The following SYT1 variants were observed in gnomAD, a reference collection of about 807,000 sequenced individuals.
SYT1 encodes the protein synaptotagmin 1, also known as synaptotagmin-1.
Under a neutral mutation model 44.8 loss-of-function variants are expected in SYT1, and 8 were observed. The ratio of observed to expected loss-of-function variants is 0.18; its 90% CI spans 0.10 to 0.32. The LOEUF is 0.32. Among genes scored for constraint, SYT1 ranks in the 10% least tolerant of loss-of-function variants. The pLI is 1.00. For synonymous variants in SYT1, 154 were observed against 188.8 expected (o/e 0.82, Z 1.51); for missense variants, 286 against 509.3 (o/e 0.56, Z 4.22).
At chr12:78,883,860 A>G (rs1874593047) in intron 1 of SYT1, among the ~76,000 whole-genome samples, 1 of 151,656 alleles carries the variant, frequency 6.6e-6, no homozygotes, top group Non-Finnish European at 1.5e-5. Flanking sequence ...CCTTCTGTAA[A>G]TATATTCAAT....
Position 79,444,839 on chromosome 12 carries a change from G to A in SYT1, c.1062+633G>A, listed in dbSNP as rs1434692109. On this transcript the variant is annotated intron_variant, in intron 10 of 10. Coordinates refer to ENST00000261205, the MANE Select transcript of SYT1 (RefSeq NM_005639.3). ...TGTTCATATTAAGTTGCTATATGTA[G>A]CCACAATGATAACATGCAATCTTAT... 2.6e-5 allele frequency among the ~76,000 whole-genome samples: 4 copies of A among 151,966 alleles called. 1 individual carries two copies. Among genetic ancestry groups the A allele is most frequent in the Non-Finnish European group, 5.9e-5 (4 of 67,970 alleles).
chr12:79,057,950 A>C (rs538067518), intron 3 of SYT1, among the ~76,000 whole-genome samples: 1 of 152,076 alleles, frequency 6.6e-6, no homozygotes, highest in Admixed American at 6.6e-5. Flanking sequence ...ATACCATTTT[A>C]TTACAGAATG....
chr12:79,404,424 A>C (rs1172761749), intron 9 of SYT1, among the ~76,000 whole-genome samples: 1 of 152,164 alleles, frequency 6.6e-6, no homozygotes. Context: ...CACCAGCATT[A>C]AACAAGCCTC....
intron 2 of SYT1, chr12:79,046,580 T>G (rs1476164336): frequency 6.6e-6 from 1 of 152,054 alleles, no homozygotes; most frequent in Non-Finnish European, 1.5e-5. Flanking sequence ...AGGGTTTAAT[T>G]TTTTTACTCT....
At chr12:79,280,877 C>T (rs1473943673) in intron 4 of SYT1, among the ~76,000 whole-genome samples, 3 of 151,374 alleles carry the variant, frequency 2.0e-5, no homozygotes, top group African/African-American at 7.3e-5. Context: ...ATACAAGTGG[C>T]CAACAAACAT....
intron 2 of SYT1, among the ~76,000 whole-genome samples, chr12:78,984,630 A>G (rs755999525): frequency 2.6e-5 from 4 of 152,044 alleles, no homozygotes; most frequent in Non-Finnish European, 5.9e-5. Context: ...TGAAGAATAG[A>G]ATTTAATTGA....
chr12:79,325,666 C>A (rs549764047), intron 8 of SYT1, among the ~76,000 whole-genome samples: 1 of 152,230 alleles, frequency 6.6e-6, no homozygotes, highest in African/African-American at 2.4e-5. Flanking sequence ...TTTAGTATGG[C>A]TACAGATAAG....
chr12:79,107,142 A>G (rs1878762960), intron 3 of SYT1, among the ~76,000 whole-genome samples: 1 of 152,008 alleles, frequency 6.6e-6, no homozygotes, highest in Non-Finnish European at 1.5e-5. Flanking sequence ...TGAAATAAAT[A>G]TCTCAAAAGC....
intron 4 of SYT1, among the ~76,000 whole-genome samples, chr12:79,276,672 CAA>C (rs570244503): frequency 6.0e-5 from 7 of 116,106 alleles, no homozygotes; most frequent in Non-Finnish European, 1.8e-5. Flanking sequence ...AAGACTCCAT[CAA>C]AAAAAAAAAA....
chr12:79,138,597 T>C (rs554664550), intron 3 of SYT1, among the ~76,000 whole-genome samples: 2 of 152,374 alleles, frequency 1.3e-5, no homozygotes, highest in East Asian at 3.9e-4. Context: ...ATCTATAAAA[T>C]GTAATGCAAT....
chr12:79,102,454 T>G (rs1345833749), intron 3 of SYT1, among the ~76,000 whole-genome samples: 1 of 152,214 alleles, frequency 6.6e-6, no homozygotes. Flanking sequence ...TCCAAAACAG[T>G]GCTGCTTCTA....
intron 8 of SYT1, among the ~76,000 whole-genome samples, chr12:79,328,724 C>T (rs1039479181): frequency 2.0e-5 from 3 of 151,660 alleles, no homozygotes; most frequent in African/African-American, 4.8e-5. Context: ...CAGGCACCTG[C>T]AGTCCCAGCT....
intron 3 of SYT1, among the ~76,000 whole-genome samples, chr12:79,179,343 T>C (rs1872258044): frequency 1.9e-5 from 1 of 53,080 alleles, no homozygotes; most frequent in Non-Finnish European, 3.6e-5. Flanking sequence ...GATATATCGA[T>C]ATGTCTATAT....
At chr12:79,116,229 T>C (rs1222435982) in intron 3 of SYT1, among the ~76,000 whole-genome samples, 2 of 152,220 alleles carry the variant, frequency 1.3e-5, no homozygotes, top group Non-Finnish European at 2.9e-5. Context: ...GTAGTTACTA[T>C]GGCTGATATT....
chr12:78,929,409 C>A (rs1439147620), intron 1 of SYT1, among the ~76,000 whole-genome samples: 1,646 of 43,778 alleles, frequency 0.038, 753 homozygotes, highest in Admixed American at 0.071. Context: ...GACTCCGTCC[C>A]AAAAAAAAAA....
chr12:79,194,484 C>T (rs1432402204), intron 3 of SYT1, among the ~76,000 whole-genome samples: 2 of 150,118 alleles, frequency 1.3e-5, no homozygotes, highest in Admixed American at 6.6e-5. Context: ...ATTGTAGAGA[C>T]GGGTCTCACT....
chr12:78,889,061 T>A (rs917202581), intron 1 of SYT1, among the ~76,000 whole-genome samples: 7 of 151,898 alleles, frequency 4.6e-5, no homozygotes, highest in Non-Finnish European at 1.0e-4. Flanking sequence ...TCAGAGCTCC[T>A]GGTTAATTTT....
At chr12:79,148,621 A>G (rs1032744771) in intron 3 of SYT1, among the ~76,000 whole-genome samples, 2 of 152,172 alleles carry the variant, frequency 1.3e-5, no homozygotes, top group Non-Finnish European at 2.9e-5. Flanking sequence ...CATACCTTTA[A>G]TAATCACACC....
intron 3 of SYT1, among the ~76,000 whole-genome samples, chr12:79,140,916 C>A (rs1340464563): frequency 6.6e-6 from 1 of 152,178 alleles, no homozygotes; most frequent in Non-Finnish European, 1.5e-5. Flanking sequence ...CACTACCTCA[C>A]CCTGAGCTCA....
Sources: allele counts gnomAD v4.1 joint callset (sites outside exome capture counted in the v4.1 genomes callset), GRCh38; gene constraint gnomAD v4.1.1; transcripts MANE v1.5; gene names NCBI Gene and HGNC (gene_info 2026-07-23, HGNC 2026-07-21).